TMEFF2: variants seen among roughly 807,000 people sequenced by gnomAD.
TMEFF2 encodes the protein transmembrane protein with EGF like and two follistatin like domains 2.
In TMEFF2, 28 loss-of-function variants were observed where a neutral mutation model predicts 53.8. That is an observed-to-expected ratio of 0.52 (90% CI 0.39 to 0.71). TMEFF2 has a LOEUF of 0.71. Among genes scored for constraint, TMEFF2 ranks in the 30% least tolerant of loss-of-function variants. The pLI is 0.00. For missense variants in TMEFF2, 353 were observed against 455.2 expected (o/e 0.78, Z 2.04); for synonymous variants, 162 against 166.3 (o/e 0.97, Z 0.20).
At chr2:192,060,180 G>A (rs1688010549) in intron 4 of TMEFF2, among the ~76,000 whole-genome samples, 1 of 152,002 alleles carries the variant, frequency 6.6e-6, no homozygotes, top group African/African-American at 2.4e-5. Context: ...ATACCAAGAA[G>A]ACTTCATCTG....
rs1181736370 is a variant in TMEFF2, at chr2:191,991,211, G to C, written c.745+7051C>G. Among the ~76,000 whole-genome samples the C allele has an allele frequency of 2.0e-5, 3 of 151,998 alleles. No individual in the cohort carries two copies. The East Asian group carries it at 5.8e-4, about 29-fold the overall frequency. ...TCTTTATAGATGAATTAAAAAGTCA[G>C]CCAAGGTCTCTTGCAACAAGCTGTT... is the stretch of plus-strand genomic sequence containing the variant. On this transcript the variant is annotated intron_variant, in intron 7 of 9. Coordinates refer to ENST00000272771, the MANE Select transcript of TMEFF2 (RefSeq NM_016192.4).
At chr2:192,028,231 C>G (rs1341959605) in intron 5 of TMEFF2, among the ~76,000 whole-genome samples, 1 of 152,158 alleles carries the variant, frequency 6.6e-6, no homozygotes, top group African/African-American at 2.4e-5. Context: ...GAGGCTTCCC[C>G]AGCCATGTGG....
At chr2:192,145,439 T>G (rs997887427) in intron 4 of TMEFF2, among the ~76,000 whole-genome samples, 3 of 152,010 alleles carry the variant, frequency 2.0e-5, no homozygotes, top group Non-Finnish European at 4.4e-5. Context: ...TAAAATTTTA[T>G]TTCAAGTAAG....
At chr2:192,020,544 TATG>T (rs760732097) in intron 5 of TMEFF2, among the ~76,000 whole-genome samples, 38 of 152,238 alleles carry the variant, frequency 2.5e-4, no homozygotes, top group Middle Eastern at 3.4e-3. Flanking sequence ...CAGGAGTAAG[TATG>T]ATGATTATAT....
intron 4 of TMEFF2, among the ~76,000 whole-genome samples, chr2:192,100,938 T>C (rs929189166): frequency 6.6e-6 from 1 of 152,188 alleles, no homozygotes; most frequent in Non-Finnish European, 1.5e-5. Context: ...TACTCCTTTA[T>C]GGAGACACAT....
chr2:192,115,593 G>A (rs1401149627), intron 4 of TMEFF2, among the ~76,000 whole-genome samples: 1 of 151,854 alleles, frequency 6.6e-6, no homozygotes, highest in African/African-American at 2.4e-5. Flanking sequence ...ATATGAGAAG[G>A]GGTTAATATT....
intron 4 of TMEFF2, among the ~76,000 whole-genome samples, chr2:192,064,381 T>C (rs995957729): frequency 2.0e-5 from 3 of 151,856 alleles, no homozygotes; most frequent in Non-Finnish European, 4.4e-5. Context: ...TTTTAAAACA[T>C]TATTTTTACT....
At chr2:192,091,314 G>T (rs532371679) in intron 4 of TMEFF2, among the ~76,000 whole-genome samples, 4 of 152,050 alleles carry the variant, frequency 2.6e-5, no homozygotes, top group Non-Finnish European at 5.9e-5. Context: ...GAAACATCAG[G>T]GAAATCACAG....
chr2:192,013,692 C>T (rs1686683154), intron 5 of TMEFF2, among the ~76,000 whole-genome samples: 1 of 152,124 alleles, frequency 6.6e-6, no homozygotes, highest in Non-Finnish European at 1.5e-5. Flanking sequence ...TCAGGCGATC[C>T]GCCCGCCTTG....
rs1686919831 is a variant in TMEFF2, at chr2:192,024,280, T to C, written c.537-25072A>G. On this transcript the variant is annotated intron_variant, in intron 5 of 9. Transcript: ENST00000272771. ...CCAACACATTATTTCAATTTATATA[T>C]AGCATAAAATTGTATATTGTAAAAA... Among the ~76,000 whole-genome samples, 3 of 152,204 alleles carry C rather than the reference T, an allele frequency of 2.0e-5. No homozygotes were observed. In the South Asian group the frequency reaches 6.2e-4, roughly 31 times the overall value.
intron 5 of TMEFF2, among the ~76,000 whole-genome samples, chr2:192,020,687 A>G (rs917830793): frequency 2.6e-5 from 4 of 152,098 alleles, no homozygotes; most frequent in African/African-American, 9.7e-5. Context: ...GGATACTATT[A>G]ATGGCTGCAT....
At chr2:191,972,759 GTAGTGCTAT>G (rs1241719222) in intron 7 of TMEFF2, among the ~76,000 whole-genome samples, 1 of 152,116 alleles carries the variant, frequency 6.6e-6, no homozygotes, top group Non-Finnish European at 1.5e-5. Flanking sequence ...AAACATCTTG[GTAGTGCTAT>G]TTTGTACAAT....
At chr2:191,966,611 G>T (rs1692479403) in intron 7 of TMEFF2, among the ~76,000 whole-genome samples, 1 of 152,022 alleles carries the variant, frequency 6.6e-6, no homozygotes, top group Non-Finnish European at 1.5e-5. Context: ...AATTTTCAGG[G>T]CAGAAGGAAA....
intron 2 of TMEFF2, 41 bp downstream of exon 2, chr2:192,191,839 C>T (rs1415585292): frequency 1.5e-6 from 2 of 1,353,294 alleles, no homozygotes; most frequent in East Asian, 2.3e-5. Flanking sequence ...GCTTTGCAGT[C>T]TCATTAATGA....
At chr2:192,019,535 G>T (rs1319489402) in intron 5 of TMEFF2, among the ~76,000 whole-genome samples, 1 of 151,934 alleles carries the variant, frequency 6.6e-6, no homozygotes, top group Non-Finnish European at 1.5e-5. Flanking sequence ...AAAAAATAAT[G>T]TTAATGTAAA....
chr2:192,082,330 C>A (rs1462131309), intron 4 of TMEFF2, among the ~76,000 whole-genome samples: 3 of 152,110 alleles, frequency 2.0e-5, no homozygotes, highest in Non-Finnish European at 4.4e-5. Context: ...CCACACGAGG[C>A]TTTAGGATTC....
chr2:191,990,901 TC>T (rs1409867725), intron 7 of TMEFF2, among the ~76,000 whole-genome samples: 1 of 152,002 alleles, frequency 6.6e-6, no homozygotes, highest in Non-Finnish European at 1.5e-5. Context: ...AATATTTAGG[TC>T]CTCTAAACAT....
intron 4 of TMEFF2, among the ~76,000 whole-genome samples, chr2:192,171,809 A>G (rs908046523): frequency 2.6e-5 from 4 of 152,024 alleles, no homozygotes; most frequent in Admixed American, 6.6e-5. Flanking sequence ...CTCTTGCTGC[A>G]TCACACTCAT....
At chr2:192,154,667 G>T (rs1474437725) in intron 4 of TMEFF2, among the ~76,000 whole-genome samples, 1 of 151,848 alleles carries the variant, frequency 6.6e-6, no homozygotes, top group East Asian at 1.9e-4. Context: ...CTTATAGCAG[G>T]TACGTTCTTT....
Sources: allele counts gnomAD v4.1 joint callset (sites outside exome capture counted in the v4.1 genomes callset), GRCh38; gene constraint gnomAD v4.1.1; transcripts MANE v1.5; gene names NCBI Gene and HGNC (gene_info 2026-07-23, HGNC 2026-07-21).